Variants in DHX58 observed in about 807,000 individuals in gnomAD.
The protein encoded by DHX58 is ATP-dependent RNA helicase DHX58.
In DHX58, 51 loss-of-function variants were observed where a neutral mutation model predicts 65.0. The ratio of observed to expected loss-of-function variants is 0.78; its 90% CI spans 0.63 to 0.99. The LOEUF (loss-of-function observed/expected upper bound fraction) is 0.99. Ranked by LOEUF, DHX58 falls within the 50% of genes least tolerant of loss-of-function variation. The pLI is 0.00. For missense variants in DHX58, 773 were observed against 891.8 expected (o/e 0.87, Z 1.70); for synonymous variants, 350 against 365.0 (o/e 0.96, Z 0.47).
intron 7 of DHX58, 26 bp from the exon 8 acceptor site, chr17:42,107,821 A>AGCAGCCC: frequency 1.3e-6 from 2 of 1,545,298 alleles, no homozygotes; most frequent in Non-Finnish European, 1.7e-6. Flanking sequence ...GCAGGGTCTG[A>AGCAGCCC]GCAGCCCACA....
chr17:42,104,836 G>A lies in DHX58; in HGVS notation c.1493C>T (p.Ala498Val), dbSNP rs1000765004. 7 of 1,614,104 alleles carry A rather than the reference G, an allele frequency of 4.3e-6. No homozygotes were observed. Among genetic ancestry groups the A allele is most frequent in the South Asian group, 3.3e-5 (3 of 91,086 alleles). The change falls in exon 11 of 14, where the codon GCG becomes GTG. Residue 498 changes from alanine to valine, a missense_variant. Transcript: ENST00000251642. Reference protein sequence around the residue: ...RELKRELINEALETLMEQAVA... With the variant: ...RELKRELINEVLETLMEQAVA... ...TGCCTGCTCCATCAGCGTCTCCAGC[G>A]CCTCGTTGATCAGCTCCCGCTTCAG...
Position 42,110,907 on chromosome 17 carries a change from G to T in DHX58, c.377C>A (p.Ser126Tyr). 6.2e-7 allele frequency: 1 copy of T among 1,605,240 alleles called. No individual in the cohort carries two copies. The highest frequency in any genetic ancestry group is 1.7e-4 in the Middle Eastern group (1 of 6,036). Residue 126 changes from serine (S) to tyrosine (Y), a missense_variant, in exon 5 of 14, where the codon TCC (serine) becomes TAC (tyrosine). Physicochemically the swap from Ser to Tyr is moderately radical, Grantham distance 144. Coordinates refer to ENST00000251642, the MANE Select transcript of DHX58 (RefSeq NM_024119.3). ...GTGGCACTCATCCACCACGATCAGG[G>T]AGAAGACTGAGGGCACAGGGGGGAA... is the stretch of plus-strand genomic sequence containing the variant. ...EEEHVELTVF[S>Y]LIVVDECHHT... is the part of the protein sequence containing the mutation.
At chr17:42,107,566 C>A in intron 8 of DHX58, 38 bp downstream of exon 8, 1 of 1,508,428 alleles carries the variant, frequency 6.6e-7, no homozygotes, top group South Asian at 1.3e-5. Flanking sequence ...ATCCAGGTCC[C>A]ATCATCCCCG....
intron 2 of DHX58, 37 bp from the exon 3 acceptor site, chr17:42,111,930 C>T (rs565635558): frequency 1.3e-6 from 2 of 1,573,736 alleles, no homozygotes; most frequent in South Asian, 1.2e-5. Flanking sequence ...ACCGACTCCT[C>T]CACCCCTCCC....
In DHX58 at chr17:42,104,776, T is replaced by C; in HGVS notation, c.1553A>G (p.Tyr518Cys). The change falls in exon 11 of 14, where the codon TAC (tyrosine) becomes TGC (cysteine). Residue 518 changes from tyrosine (Y) to cysteine (C), a missense_variant. Transcript: ENST00000251642. ...AGGCTGCCTGCAGACCTTGGCCTGG[T>C]ACTCGGCCTGGTCCATTTTCTGCAC... ...AAVQKMDQAE[Y>C]QAKIRDLQQA... 6.2e-7 allele frequency: 1 copy of C among 1,613,930 alleles called. No individual in the cohort carries two copies. Among genetic ancestry groups the C allele is most frequent in the Non-Finnish European group, 8.5e-7 (1 of 1,179,990 alleles).
intron 5 of DHX58, among the ~76,000 whole-genome samples, 161 bp from the exon 6 acceptor site, chr17:42,109,547 G>C (rs939867568): frequency 7.2e-5 from 11 of 152,150 alleles, no homozygotes; most frequent in African/African-American, 2.4e-4. Context: ...TAGGCACTGG[G>C]GATACAAAGG....
At chr17:42,105,450 C>T (rs1382656801) in intron 9 of DHX58, among the ~76,000 whole-genome samples, 1 of 151,990 alleles carries the variant, frequency 6.6e-6, no homozygotes, top group African/African-American at 2.4e-5. Context: ...GGACCCCAGA[C>T]CTGATCCTGT....
In DHX58 at chr17:42,104,897, C is replaced by T. The variant is rs2054031685; in HGVS notation, c.1432G>A (p.Val478Ile). 2 of 1,614,026 alleles carry T rather than the reference C, an allele frequency of 1.2e-6. No homozygotes were observed. The highest frequency in any genetic ancestry group is 1.3e-5 in the African/African-American group (1 of 74,944). ...CCTTCAGTTGCTACAAACGCGTATA[C>T]ACTCTGATCGGCCCGGGCACGGCCC... ...ARGRARADQSVYAFVATEGSR... is the reference protein window; with the variant it reads ...ARGRARADQSIYAFVATEGSR... The change falls in exon 11 of 14, where the codon GTA (valine) becomes ATA (isoleucine). Residue 478 changes from valine to isoleucine, a missense_variant. Coordinates refer to ENST00000251642, the MANE Select transcript of DHX58 (RefSeq NM_024119.3).
At chr17:42,109,876 C>G (rs1290148787) in intron 5 of DHX58, among the ~76,000 whole-genome samples, 2 of 136,568 alleles carry the variant, frequency 1.5e-5, no homozygotes, top group Admixed American at 7.6e-5. Context: ...GCCTGGGTAA[C>G]AGAGACTCCG....
chr17:42,104,955 A>G lies in DHX58; in HGVS notation c.1402-28T>C. 2 of 1,613,394 alleles carry G rather than the reference A, an allele frequency of 1.2e-6. 1 individual carries two copies. The highest frequency in any genetic ancestry group is 2.2e-5 in the South Asian group (2 of 91,078). ...GGGAAGAGAGACAAGGGGTGTCCTG[A>G]GTTGGGCTGGGGCCCCACACAGGAT... On this transcript the variant is annotated intron_variant, in intron 10 of 13. Transcript: ENST00000251642.
At chr17:42,105,682 C>A (rs1332216934) in intron 9 of DHX58, 54 bp downstream of exon 9, 42 of 1,512,748 alleles carry the variant, frequency 2.8e-5, no homozygotes, top group Non-Finnish European at 3.6e-5. Context: ...GTTCCCCGCA[C>A]TTCTCTCCTA....
In DHX58 at chr17:42,105,882, G is replaced by A. The variant is rs782341597; in HGVS notation, c.1105C>T (p.Arg369Trp). ...QRQFSSSNSP[R>W]GIIFTRTRQS... is the part of the protein sequence containing the mutation. The stretch of plus-strand genomic sequence containing the variant: ...CGGGTGCGGGTGAAGATGATACCCC[G>A]AGGGCTGTTAGAGCTACTGAACTGC... The change falls in exon 9 of 14, where the codon CGG becomes TGG. Residue 369 changes from arginine to tryptophan, a missense_variant. Physicochemically the swap from Arg to Trp is moderately radical, Grantham distance 101. Transcript: ENST00000251642. 11 of 1,613,960 alleles carry A rather than the reference G, an allele frequency of 6.8e-6. No homozygotes were observed. Among genetic ancestry groups the A allele is most frequent in the South Asian group, 3.3e-5 (3 of 91,082 alleles).
chr17:42,111,900 A>C lies in DHX58; in HGVS notation c.-1-7T>G. 6.2e-7 allele frequency: 1 copy of C among 1,602,570 alleles called. No homozygotes were observed. The highest frequency in any genetic ancestry group is 8.5e-7 in the Non-Finnish European group (1 of 1,172,780). On this transcript the variant is annotated splice_region_variant and splice_polypyrimidine_tract_variant and intron_variant, in intron 2 of 13. Transcript: ENST00000251642. ...GTAGGACCGAAGCTCCATTCTGGGA[A>C]TGGCAGGGGACTCAGACCCACCGAC... is the stretch of plus-strand genomic sequence containing the variant.
Position 42,109,380 on chromosome 17 carries a change from C to A in DHX58, c.568G>T (p.Ala190Ser), listed in dbSNP as rs782228628. 6.2e-7 allele frequency: 1 copy of A among 1,613,170 alleles called. No individual in the cohort carries two copies. Among genetic ancestry groups the A allele is most frequent in the Non-Finnish European group, 8.5e-7 (1 of 1,179,606 alleles). The change falls in exon 6 of 14, where the codon GCC becomes TCC. Residue 190 changes from alanine to serine, a missense_variant. Physicochemically the swap from Ala to Ser is moderately conservative, Grantham distance 99. Transcript: ENST00000251642. Reference protein sequence around the residue: ...GAINHVLQLCANLDTWCIMSP... With the variant: ...GAINHVLQLCSNLDTWCIMSP... Reference sequence around the variant, plus strand: ...ATGATGCACCACGTGTCCAAGTTGGCACAGAGCTGGGGGCAACAGAGGACT... The same window carrying A: ...ATGATGCACCACGTGTCCAAGTTGGAACAGAGCTGGGGGCAACAGAGGACT...
chr17:42,108,069 T>A lies in DHX58; in HGVS notation c.718A>T (p.Ile240Phe). 6.2e-7 allele frequency: 1 copy of A among 1,614,232 alleles called. No homozygotes were observed. The highest frequency in any genetic ancestry group is 1.6e-4 in the Middle Eastern group (1 of 6,062). Residue 240 changes from isoleucine to phenylalanine, a missense_variant, in exon 7 of 14, where the codon ATC (isoleucine) becomes TTC (phenylalanine). By Grantham distance (21) the Ile-to-Phe change is conservative. Coordinates refer to ENST00000251642, the MANE Select transcript of DHX58 (RefSeq NM_024119.3). ...TCAGGCATCTCCAGGTGGTCATGGATTTGGTCCATGAGCTTCTTCAGCAAG... is the reference window on the plus strand; with the variant it reads ...TCAGGCATCTCCAGGTGGTCATGGAATTGGTCCATGAGCTTCTTCAGCAAG... Reference protein sequence around the residue: ...GDLLKKLMDQIHDHLEMPELS... With the variant: ...GDLLKKLMDQFHDHLEMPELS...
At chr17:42,103,503 A>G in intron 12 of DHX58, 105 bp downstream of exon 12, 2 of 1,377,150 alleles carry the variant, frequency 1.5e-6, no homozygotes, top group Non-Finnish European at 9.9e-7. Flanking sequence ...TGAAAATGCA[A>G]AGTACTTGCT....
Position 42,101,878 on chromosome 17 carries a change from C to T in DHX58, c.1920G>A (p.Leu640=), listed in dbSNP as rs374555157. 14 of 1,614,118 alleles carry T rather than the reference C, an allele frequency of 8.7e-6. No homozygotes were observed. The African/African-American group carries it at 1.2e-4, about 14-fold the overall frequency. Residue 640 remains leucine, a synonymous_variant, in exon 14 of 14, where the codon CTG becomes CTA. Transcript: ENST00000251642. ...CCTGGATCCGCCCCTGAGGGGTCTC[C>T]AGCAGCATGCTGCGGACTTTGAGCA... ...LPVLKVRSML[L]ETPQGRIQAK...
At position 42,111,383 on chromosome 17, in the gene DHX58, G is replaced by A. The variant is rs781856201; in HGVS notation, c.283C>T (p.Arg95Trp). Reference protein sequence around the residue: ...GPRAGFGHLARCHDLLICTAE... With the variant: ...GPRAGFGHLAWCHDLLICTAE... ...GTGCAGATGAGCAGGTCATGGCACC[G>A]GGCCAGGTGGCCAAAGCCAGCACGT... The change falls in exon 4 of 14, where the codon CGG becomes TGG. Residue 95 changes from arginine to tryptophan, a missense_variant. Coordinates refer to ENST00000251642, the MANE Select transcript of DHX58 (RefSeq NM_024119.3). The A allele has an allele frequency of 1.2e-5, 19 of 1,614,146 alleles. No individual in the cohort carries two copies. The highest frequency in any genetic ancestry group is 1.5e-5 in the Non-Finnish European group (18 of 1,180,026).
chr17:42,110,218 C>A (rs1043947455), intron 5 of DHX58, among the ~76,000 whole-genome samples: 3 of 150,498 alleles, frequency 2.0e-5, no homozygotes, highest in African/African-American at 2.4e-5. Flanking sequence ...AACAATAAAA[C>A]CTTGCAGAGC....
Sources: gnomAD v4.1 joint callset for allele counts (sites outside exome capture counted in the v4.1 genomes callset) on GRCh38, gnomAD v4.1.1 for gene constraint, MANE v1.5 for transcripts, NCBI Gene and HGNC (gene_info 2026-07-23, HGNC 2026-07-21) for gene names.